The following SLC6A17 variants were observed in gnomAD, a reference collection of about 807,000 sequenced individuals.
SLC6A17 encodes the protein solute carrier family 6 member 17.
Under a neutral mutation model 64.5 loss-of-function variants are expected in SLC6A17, and 21 were observed. The observed-to-expected ratio is 0.33, with a 90% CI of 0.23 to 0.47. The LOEUF (loss-of-function observed/expected upper bound fraction) is 0.47, where lower values mean the gene tolerates loss of function less well. Ranked by LOEUF, SLC6A17 falls within the 20% of genes least tolerant of loss-of-function variation. The pLI, the probability that SLC6A17 is intolerant of heterozygous loss-of-function variation, is 1.00. For missense variants in SLC6A17, 682 were observed against 963.2 expected (o/e 0.71, Z 3.86); for synonymous variants, 372 against 399.5 (o/e 0.93, Z 0.82).
At chr1:110,167,239 C>G in intron 2 of SLC6A17, 24 bp downstream of exon 2, 9 of 1,593,908 alleles carry the variant, frequency 5.6e-6, no homozygotes, top group Non-Finnish European at 6.9e-6. Flanking sequence ...CTGCCTGCAT[C>G]AGGGGTCCCC....
In SLC6A17 at chr1:110,200,641, G is replaced by C. The variant is rs1048302909; in HGVS notation, c.*2197G>C. On this transcript the variant is annotated 3_prime_UTR_variant, in exon 12 of 12. Coordinates refer to ENST00000331565, the MANE Select transcript of SLC6A17 (RefSeq NM_001010898.4). ...TTTGATATATTTTTAATTTTGTAGC[G>C]TGTGGCTGGGCCAGGCCCCAGCGGG... 1 of 152,174 alleles carries C rather than the reference G, an allele frequency of 6.6e-6. No homozygotes were observed. The highest frequency in any genetic ancestry group is 1.5e-5 in the Non-Finnish European group (1 of 68,092). 9.4% of individuals were successfully genotyped at this position (152,174 alleles called of 1,614,324 possible). A position where few individuals can be genotyped will look rare whatever the true frequency, so the allele number is the denominator to read the frequency against.
intron 9 of SLC6A17, 30 bp from the exon 10 acceptor site, chr1:110,195,556 C>T (rs1321900377): frequency 1.9e-6 from 3 of 1,611,880 alleles, no homozygotes; most frequent in African/African-American, 1.3e-5. Flanking sequence ...TGCACCTTTG[C>T]CCCCAAACCG....
chr1:110,173,918 G>A, intron 3 of SLC6A17, 55 bp from the exon 4 acceptor site: 1 of 1,597,090 alleles, frequency 6.3e-7, no homozygotes, highest in South Asian at 1.1e-5. Flanking sequence ...TGGAGCGTGG[G>A]GGCAGGGTGG....
At position 110,201,794 on chromosome 1, in the gene SLC6A17, C is replaced by T. The variant is rs1657136326; in HGVS notation, c.*3350C>T. Reference sequence around the variant, plus strand: ...GGGCTGCTTTTCTGCCCTTCCTCACCCCCACGCCCCACCCCACTCCCCCAG... The same window carrying T: ...GGGCTGCTTTTCTGCCCTTCCTCACTCCCACGCCCCACCCCACTCCCCCAG... On this transcript the variant is annotated 3_prime_UTR_variant, in exon 12 of 12. Coordinates refer to ENST00000331565, the MANE Select transcript of SLC6A17 (RefSeq NM_001010898.4). 6.6e-6 allele frequency: 1 copy of T among 152,316 alleles called. No individual in the cohort carries two copies. Among genetic ancestry groups the T allele is most frequent in the Admixed American group, 6.5e-5 (1 of 15,276 alleles). The allele number at this position is 152,316 out of a possible 1,614,324, so 9.4% of individuals were successfully genotyped here.
At chr1:110,178,811 C>T (rs1034746914) in intron 6 of SLC6A17, 1 of 152,198 alleles carries the variant, frequency 6.6e-6, no homozygotes. Flanking sequence ...GACCTAATCA[C>T]CTCCCAAAGA....
chr1:110,173,900 G>GAAAGAA, intron 3 of SLC6A17, 73 bp from the exon 4 acceptor site: 1 of 1,544,048 alleles, frequency 6.5e-7, no homozygotes, highest in Admixed American at 1.9e-5. Flanking sequence ...GACGTGCTGG[G>GAAAGAA]CCTCGGGTGG....
rs375380880 is a variant in SLC6A17 at position 110,198,158 on chromosome 1, C to T, written c.1898C>T (p.Pro633Leu). 6.2e-7 allele frequency: 1 copy of T among 1,614,062 alleles called. No individual in the cohort carries two copies. Among genetic ancestry groups the T allele is most frequent in the Non-Finnish European group, 8.5e-7 (1 of 1,179,980 alleles). The change falls in exon 12 of 12, where the codon CCT becomes CTT. Residue 633 changes from proline to leucine, a missense_variant. Coordinates refer to ENST00000331565, the MANE Select transcript of SLC6A17 (RefSeq NM_001010898.4). ...ATCGTCGTGGCGACGCTGCCCATCC[C>T]TGTGGTGTTCGTCCTGCGGCACTTC... is the stretch of plus-strand genomic sequence containing the variant. ...TLIVVATLPIPVVFVLRHFHL... is the reference protein window; with the variant it reads ...TLIVVATLPILVVFVLRHFHL...
chr1:110,189,095 C>T (rs1178624637), intron 6 of SLC6A17, among the ~76,000 whole-genome samples: 7 of 152,176 alleles, frequency 4.6e-5, no homozygotes, highest in Admixed American at 4.6e-4. Context: ...TGCTTCTTAT[C>T]CCTCTGTAAC....
intron 1 of SLC6A17, among the ~76,000 whole-genome samples, chr1:110,162,574 G>A (rs1331699004): frequency 2.0e-5 from 3 of 152,116 alleles, no homozygotes; most frequent in South Asian, 2.1e-4. Flanking sequence ...GAGAGGAATC[G>A]CCCCTCTCAG....
At chr1:110,197,748 C>A in intron 11 of SLC6A17, 149 bp downstream of exon 11, 1 of 971,076 alleles carries the variant, frequency 1.0e-6, no homozygotes, top group Non-Finnish European at 1.5e-6. Flanking sequence ...TTACAACAAG[C>A]CAAAGACAGA....
At chr1:110,174,681 G>C in intron 4 of SLC6A17, 98 bp from the exon 5 acceptor site, 2 of 1,466,166 alleles carry the variant, frequency 1.4e-6, no homozygotes, top group Non-Finnish European at 1.9e-6. Context: ...ACCCTCAGCA[G>C]CTCCCTCACC....
At position 110,172,469 on chromosome 1, in the gene SLC6A17, G is replaced by A. The variant is rs1656268090; in HGVS notation, c.444+252G>A. On this transcript the variant is annotated intron_variant, in intron 3 of 11. Coordinates refer to ENST00000331565, the MANE Select transcript of SLC6A17 (RefSeq NM_001010898.4). ...CATTGGTGCTAAGGAGGAAAAGCTG[G>A]GACATATTCACATGGGGCCGCCTGG... 8.2e-6 allele frequency: 4 copies of A among 490,344 alleles called. No individual in the cohort carries two copies. In the South Asian group the frequency reaches 1.0e-4, roughly 13 times the overall value. The allele number at this position is 490,344 out of a possible 1,614,324, so 30.4% of individuals were successfully genotyped here. A position where few individuals can be genotyped will look rare whatever the true frequency, so the allele number is the denominator to read the frequency against.
At chr1:110,171,938 C>A in intron 2 of SLC6A17, 122 bp from the exon 3 acceptor site, 1 of 1,297,876 alleles carries the variant, frequency 7.7e-7, no homozygotes, top group Non-Finnish European at 1.1e-6. Flanking sequence ...AGCACCGGGA[C>A]TGGTGACAAT....
chr1:110,172,314 G>A lies in SLC6A17; in HGVS notation c.444+97G>A, dbSNP rs569608347. 379 of 1,432,580 alleles carry A rather than the reference G, an allele frequency of 2.6e-4. 3 individuals carry two copies. The Admixed American group carries it at 5.0e-3, about 19-fold the overall frequency. The allele number at this position is 1,432,580 out of a possible 1,614,324, so 88.7% of individuals were successfully genotyped here. A position where few individuals can be genotyped will look rare whatever the true frequency, so the allele number is the denominator to read the frequency against. On this transcript the variant is annotated intron_variant, in intron 3 of 11. Coordinates refer to ENST00000331565, the MANE Select transcript of SLC6A17 (RefSeq NM_001010898.4). ...CCGAGTTTCCAGGCCAGAGTCCTAC[G>A]TCAGGACAAGGGCAGGGAGGGGGAT... is the stretch of plus-strand genomic sequence containing the variant.
chr1:110,200,313 G>C lies in SLC6A17; in HGVS notation c.*1869G>C. On this transcript the variant is annotated 3_prime_UTR_variant, in exon 12 of 12. Transcript: ENST00000331565. ...TCTTTCCTGAGTGTTTGAGGGGAGA[G>C]AGAGACCCACATCTCCCCAAAGAGA... 1.3e-5 allele frequency: 5 copies of C among 380,152 alleles called. No individual in the cohort carries two copies. The highest frequency in any genetic ancestry group is 2.3e-5 in the Non-Finnish European group (5 of 218,150). The allele number at this position is 380,152 out of a possible 1,614,324, so 23.5% of individuals were successfully genotyped here.
rs915418951 is a variant in SLC6A17 at position 110,172,310 on chromosome 1, C to G, written c.444+93C>G. 212 of 1,454,620 alleles carry G rather than the reference C, an allele frequency of 1.5e-4. 1 individual carries two copies. The South Asian group carries it at 2.7e-3, about 19-fold the overall frequency. The allele number at this position is 1,454,620 out of a possible 1,614,324, so 90.1% of individuals were successfully genotyped here. Reference sequence around the variant, plus strand: ...GTCACCGAGTTTCCAGGCCAGAGTCCTACGTCAGGACAAGGGCAGGGAGGG... The same window carrying G: ...GTCACCGAGTTTCCAGGCCAGAGTCGTACGTCAGGACAAGGGCAGGGAGGG... On this transcript the variant is annotated intron_variant, in intron 3 of 11. Coordinates refer to ENST00000331565, the MANE Select transcript of SLC6A17 (RefSeq NM_001010898.4).
chr1:110,178,448 T>C (rs1471324025), intron 6 of SLC6A17, among the ~76,000 whole-genome samples: 1 of 152,208 alleles, frequency 6.6e-6, no homozygotes, highest in Non-Finnish European at 1.5e-5. Flanking sequence ...TATCTAATAA[T>C]AGAATAAAAA....
At chr1:110,177,354 A>C (rs1656401616) in intron 6 of SLC6A17, among the ~76,000 whole-genome samples, 1 of 152,170 alleles carries the variant, frequency 6.6e-6, no homozygotes, top group African/African-American at 2.4e-5. Flanking sequence ...GGGGAGCAAG[A>C]TGAGCAGGAT....
At chr1:110,193,790 G>C (rs2603584) in intron 8 of SLC6A17, among the ~76,000 whole-genome samples, 57,050 of 152,212 alleles carry the variant, frequency 0.37, 13,066 homozygotes, top group Non-Finnish European at 0.51. Flanking sequence ...GTTCTCATGG[G>C]CATGGCCTGG....
Sources: gnomAD v4.1 joint callset for allele counts (sites outside exome capture counted in the v4.1 genomes callset) on GRCh38, gnomAD v4.1.1 for gene constraint, MANE v1.5 for transcripts, NCBI Gene and HGNC (gene_info 2026-07-23, HGNC 2026-07-21) for gene names.